Variants in TTYH2 observed in about 807,000 individuals in gnomAD.
The protein encoded by TTYH2 is protein tweety homolog 2.
Under a neutral mutation model 68.3 loss-of-function variants are expected in TTYH2, and 49 were observed. The ratio of observed to expected loss-of-function variants is 0.72; its 90% CI spans 0.57 to 0.91. The LOEUF (loss-of-function observed/expected upper bound fraction) is 0.91. TTYH2 is among the 40% of genes least tolerant of loss of function. TTYH2 has a pLI of 0.00. For synonymous variants in TTYH2, 272 were observed against 300.8 expected, an observed-to-expected ratio of 0.90 and a Z score of 0.99; for missense variants, 631 against 700.4, an observed-to-expected ratio of 0.90 and a Z score of 1.12.
At chr17:74,250,968 C>T (rs1358308856) in intron 10 of TTYH2, among the ~76,000 whole-genome samples, 2 of 152,162 alleles carry the variant, frequency 1.3e-5, no homozygotes, top group Non-Finnish European at 2.9e-5. Flanking sequence ...GTGAACCACA[C>T]GTTATTTCCT....
chr17:74,236,980 T>G (rs573342110), intron 3 of TTYH2, among the ~76,000 whole-genome samples: 2 of 150,248 alleles, frequency 1.3e-5, no homozygotes, highest in South Asian at 2.1e-4. Flanking sequence ...CATTGCAGAC[T>G]CCGCCTCCCG....
At chr17:74,238,073 C>G (rs1021541882) in intron 4 of TTYH2, among the ~76,000 whole-genome samples, 1 of 152,234 alleles carries the variant, frequency 6.6e-6, no homozygotes, top group African/African-American at 2.4e-5. Flanking sequence ...CTCACACTCC[C>G]CGCGCCAAAG....
rs2050208422 is a variant in TTYH2, at chr17:74,215,049, C to A, written c.129+1333C>A. Reference sequence around the variant, plus strand: ...CAGTCGGTGGACCCACCCCCCTCCCCCAGAGCCCAGCCTGTGGGAGTCTGT... The same window carrying A: ...CAGTCGGTGGACCCACCCCCCTCCCACAGAGCCCAGCCTGTGGGAGTCTGT... On this transcript the variant is annotated intron_variant, in intron 1 of 13. Transcript: ENST00000269346. This position sits in a 1 kb window ranked among gnomAD's most constrained non-coding sequence, Gnocchi z 4.3. Among the ~76,000 whole-genome samples, 1 of 152,064 alleles carries A rather than the reference C, an allele frequency of 6.6e-6. No individual in the cohort carries two copies. The highest frequency in any genetic ancestry group is 1.5e-5 in the Non-Finnish European group (1 of 67,982).
In TTYH2 at chr17:74,240,798, A is replaced by T. The variant is rs369819129; in HGVS notation, c.636-2576A>T. ...GAGCCGAGTTCTTGGTTAGGAATAC[A>T]TCCCCCAGTCCTCGCCCAGCTCCTC... On this transcript the variant is annotated intron_variant, in intron 4 of 13. Transcript: ENST00000269346. 2.6e-5 allele frequency: 4 copies of T among 152,220 alleles called. No homozygotes were observed. In the East Asian group the frequency reaches 7.8e-4, roughly 30 times the overall value. 9.4% of individuals were successfully genotyped at this position (152,220 alleles called of 1,614,324 possible).
intron 13 of TTYH2, among the ~76,000 whole-genome samples, chr17:74,254,376 C>T (rs567096968): frequency 6.6e-6 from 1 of 152,286 alleles, no homozygotes; most frequent in Non-Finnish European, 1.5e-5. Context: ...CCATGATGGC[C>T]AGGCTGGTCT....
At chr17:74,225,672 G>A (rs533788990) in intron 2 of TTYH2, among the ~76,000 whole-genome samples, 1 of 152,314 alleles carries the variant, frequency 6.6e-6, no homozygotes, top group African/African-American at 2.4e-5. Flanking sequence ...CAGGGAAGCT[G>A]GAGCCACACA....
chr17:74,232,308 G>C lies in TTYH2; in HGVS notation c.414+1309G>C, dbSNP rs561328577. 6.6e-6 allele frequency among the ~76,000 whole-genome samples: 1 copy of C among 152,340 alleles called. No individual in the cohort carries two copies. The highest frequency in any genetic ancestry group is 2.1e-4 in the South Asian group (1 of 4,826). On this transcript the variant is annotated intron_variant, in intron 3 of 13. Coordinates refer to ENST00000269346, the MANE Select transcript of TTYH2 (RefSeq NM_032646.6). The surrounding 1 kb of genome is among the most constrained non-coding windows in gnomAD (Gnocchi z 5.1). ...AGCTGTGCTGCTCCTCCGTGCCCAA[G>C]TCAATTGTGGGAGGAGGCCCTGGCC...
chr17:74,252,084 C>G, intron 10 of TTYH2, 150 bp from the exon 11 acceptor site: 1 of 927,910 alleles, frequency 1.1e-6, no homozygotes, highest in Non-Finnish European at 1.7e-6. Context: ...AGAGTGTGGA[C>G]CTTTAATGGT....
chr17:74,243,610 C>T, intron 5 of TTYH2, 141 bp downstream of exon 5: 2 of 811,262 alleles, frequency 2.5e-6, no homozygotes, highest in East Asian at 2.6e-5. Context: ...GTCCTCAGCA[C>T]TCAGCAGAGG....
rs1308501324 is a variant in TTYH2, at chr17:74,251,303, ATG to A, written c.1117-925_1117-924del. ...TCTGTGATGTGTGTGGTGTGTGTGC[ATG>A]TGTGTTGTGTGCACATGTGTGCACA... On this transcript the variant is annotated intron_variant, in intron 10 of 13. Coordinates refer to ENST00000269346, the MANE Select transcript of TTYH2 (RefSeq NM_032646.6). Among the ~76,000 whole-genome samples the A allele has an allele frequency of 9.0e-5, 12 of 132,938 alleles. No individual in the cohort carries two copies. The East Asian group carries it at 2.6e-3, about 29-fold the overall frequency. 87.2% of individuals were successfully genotyped at this position (132,938 alleles called of 152,430 possible).
chr17:74,254,027 C>G (rs925676675), intron 13 of TTYH2, among the ~76,000 whole-genome samples, 194 bp downstream of exon 13: 8 of 152,208 alleles, frequency 5.3e-5, no homozygotes, highest in Non-Finnish European at 8.8e-5. Flanking sequence ...AATCTCACTC[C>G]TTCCCCTAGC....
chr17:74,242,685 G>A lies in TTYH2; in HGVS notation c.636-689G>A, dbSNP rs570889928. Among the ~76,000 whole-genome samples, 196 of 152,310 alleles carry A rather than the reference G, an allele frequency of 1.3e-3. 1 individual carries two copies. The highest frequency in any genetic ancestry group is 2.2e-3 in the Non-Finnish European group (149 of 68,034). On this transcript the variant is annotated intron_variant, in intron 4 of 13. Transcript: ENST00000269346. ...TGGGATTACAGGCGTGAGCCACTGC[G>A]CCTGTCCTGAACCTAAAAGTCTTAA...
intron 6 of TTYH2, among the ~76,000 whole-genome samples, chr17:74,247,260 C>T (rs1431605747): frequency 6.6e-6 from 1 of 152,054 alleles, no homozygotes; most frequent in South Asian, 2.1e-4. Context: ...GACTTGCCCC[C>T]GTGACTCAGT....
intron 10 of TTYH2, 26 bp downstream of exon 10, chr17:74,250,383 G>A (rs764796381): frequency 6.2e-7 from 1 of 1,600,606 alleles, no homozygotes; most frequent in Non-Finnish European, 8.5e-7. Context: ...GGGGTCACGT[G>A]GAGAGTGTGA....
In TTYH2 at chr17:74,243,299, T is replaced by TGCAG. The variant is rs961026200; in HGVS notation, c.636-72_636-69dup. ...GGTCCAGTGTGTCCCAGGGCTGCCG[T>TGCAG]GCAGGCCTCTCACGTGGCCAGCAGG... On this transcript the variant is annotated intron_variant, in intron 4 of 13. Transcript: ENST00000269346. The TGCAG allele has an allele frequency of 7.9e-5, 98 of 1,238,066 alleles. 1 individual carries two copies. The African/African-American group carries it at 1.4e-3, about 17-fold the overall frequency. The allele number at this position is 1,238,066 out of a possible 1,614,324, so 76.7% of individuals were successfully genotyped here. A position where few individuals can be genotyped will look rare whatever the true frequency, so the allele number is the denominator to read the frequency against.
chr17:74,259,127 C>T (rs978106865), intron 13 of TTYH2, among the ~76,000 whole-genome samples: 3 of 152,182 alleles, frequency 2.0e-5, no homozygotes, highest in Non-Finnish European at 4.4e-5. Flanking sequence ...TCATGCTCCT[C>T]CAACTTGAAT....
chr17:74,239,129 T>C lies in TTYH2; in HGVS notation c.635+1615T>C, dbSNP rs1201211594. Among the ~76,000 whole-genome samples, 1 of 152,112 alleles carries C rather than the reference T, an allele frequency of 6.6e-6. No individual in the cohort carries two copies. Among genetic ancestry groups the C allele is most frequent in the African/African-American group, 2.4e-5 (1 of 41,414 alleles). On this transcript the variant is annotated intron_variant, in intron 4 of 13. Transcript: ENST00000269346. This position sits in a 1 kb window ranked among gnomAD's most constrained non-coding sequence, Gnocchi z 5.3. ...GGGCTTTGTTTACATCTCCCCTGCC[T>C]CCCCATTTGCCAAATCCCAGCCTAG...
chr17:74,238,663 C>T (rs150711301), intron 4 of TTYH2, among the ~76,000 whole-genome samples: 3,527 of 152,010 alleles, frequency 0.023, 139 homozygotes, highest in African/African-American at 0.076. Context: ...GGTCGGGAGT[C>T]CGAGACCAGC....
At position 74,249,998 on chromosome 17, in the gene TTYH2, G is replaced by A. The variant is rs761898608; in HGVS notation, c.993G>A (p.Gln331=). The change falls in exon 9 of 14, where the codon CAG becomes CAA. Residue 331 remains glutamine, a synonymous_variant. Transcript: ENST00000269346. ...AGATCCAGGTCGCGGGGCTGCTGCA[G>A]TTTGCCGTGCCCCTCTTCTCCACTG... The part of the protein sequence containing the change: ...TMQIQVAGLL[Q]FAVPLFSTAE... 2 of 1,614,160 alleles carry A rather than the reference G, an allele frequency of 1.2e-6. No homozygotes were observed. The highest frequency in any genetic ancestry group is 1.7e-5 in the Admixed American group (1 of 60,032).
Sources: gnomAD v4.1 joint callset for allele counts (sites outside exome capture counted in the v4.1 genomes callset) on GRCh38, gnomAD v4.1.1 for gene constraint, Gnocchi (gnomAD v3.1) non-coding constraint, MANE v1.5 for transcripts, NCBI Gene and HGNC (gene_info 2026-07-23, HGNC 2026-07-21) for gene names.